The following TAS2R1 variants were observed in gnomAD, a reference collection of about 807,000 sequenced individuals.
TAS2R1 encodes taste receptor type 2 member 1.
For synonymous variants in TAS2R1, 141 were observed against 134.2 expected, an observed-to-expected ratio of 1.05 and a Z score of -0.35; for missense variants, 370 against 353.4, an observed-to-expected ratio of 1.05 and a Z score of -0.38.
chr5:9,765,012 G>A, the TAS2R1 span, among the ~76,000 whole-genome samples: 673 of 152,138 alleles, frequency 4.4e-3, 1 homozygote, highest in Non-Finnish European at 7.0e-3. Flanking sequence ...ACAAATTTAG[G>A]ATATAAAATG....
At chr5:9,746,449 AT>A in the TAS2R1 span, among the ~76,000 whole-genome samples, 1 of 152,366 alleles carries the variant, frequency 6.6e-6, no homozygotes, top group South Asian at 2.1e-4. Context: ...TCATTCTACT[AT>A]AAAGACACAT....
chr5:9,656,482 C>T (rs1740420860), intron 2 of TAS2R1, among the ~76,000 whole-genome samples: 1 of 152,204 alleles, frequency 6.6e-6, no homozygotes, highest in Admixed American at 6.5e-5. Context: ...GAGTCTGAGT[C>T]TAACTCCTAA....
intron 1 of TAS2R1, among the ~76,000 whole-genome samples, chr5:9,698,231 T>C (rs1464255364): frequency 6.6e-6 from 1 of 152,208 alleles, no homozygotes; most frequent in African/African-American, 2.4e-5. Flanking sequence ...GAATATGTAG[T>C]TCTAATGGAA....
the TAS2R1 span, among the ~76,000 whole-genome samples, chr5:9,895,563 G>C: frequency 1.3e-5 from 2 of 152,226 alleles, no homozygotes; most frequent in Admixed American, 1.3e-4. Flanking sequence ...ATGGTCAACA[G>C]AGAGGTCTTT....
the TAS2R1 span, among the ~76,000 whole-genome samples, chr5:9,722,530 G>T: frequency 6.6e-6 from 1 of 152,174 alleles, no homozygotes; most frequent in Non-Finnish European, 1.5e-5. Flanking sequence ...TGGAGCAGGG[G>T]TTGTTGTGGA....
At chr5:9,640,430 C>G (rs551082221) in intron 2 of TAS2R1, among the ~76,000 whole-genome samples, 2 of 134,552 alleles carry the variant, frequency 1.5e-5, no homozygotes, top group African/African-American at 5.7e-5. Context: ...GAAGAGAGCA[C>G]AAGCTGTTGG....
chr5:9,808,996 T>A, the TAS2R1 span, among the ~76,000 whole-genome samples: 1 of 152,192 alleles, frequency 6.6e-6, no homozygotes, highest in Non-Finnish European at 1.5e-5. Context: ...ATTTTTGTCT[T>A]GCTAAGAACT....
At chr5:9,785,015 T>C in the TAS2R1 span, among the ~76,000 whole-genome samples, 1 of 152,148 alleles carries the variant, frequency 6.6e-6, no homozygotes, top group African/African-American at 2.4e-5. Flanking sequence ...CCATGTTAAA[T>C]TAAAGGGGCT....
the TAS2R1 span, among the ~76,000 whole-genome samples, chr5:9,865,166 G>A: frequency 2.0e-5 from 3 of 152,164 alleles, no homozygotes; most frequent in Admixed American, 6.5e-5. Flanking sequence ...GAAGCCAGTG[G>A]GTGTGGCTGC....
chr5:9,661,970 T>C (rs1740546924), intron 1 of TAS2R1, among the ~76,000 whole-genome samples: 1 of 152,182 alleles, frequency 6.6e-6, no homozygotes, highest in Non-Finnish European at 1.5e-5. Flanking sequence ...GGTTCTTCTG[T>C]TGGTTTCACC....
the TAS2R1 span, among the ~76,000 whole-genome samples, chr5:9,861,033 T>C: frequency 7.0e-6 from 1 of 143,776 alleles, no homozygotes; most frequent in Non-Finnish European, 1.5e-5. Context: ...TCTGGGAAGA[T>C]GAGGTTTTTT....
chr5:9,891,991 A>G, the TAS2R1 span, among the ~76,000 whole-genome samples: 8 of 152,082 alleles, frequency 5.3e-5, no homozygotes, highest in South Asian at 1.7e-3. Flanking sequence ...CCCCTCCCTC[A>G]TAGCCCACCT....
At chr5:9,900,825 G>T in the TAS2R1 span, among the ~76,000 whole-genome samples, 1 of 151,796 alleles carries the variant, frequency 6.6e-6, no homozygotes, top group Admixed American at 6.6e-5. Flanking sequence ...GGGTTTCACC[G>T]TGTTAGGCAG....
chr5:9,777,985 A>G, the TAS2R1 span, among the ~76,000 whole-genome samples: 8 of 150,848 alleles, frequency 5.3e-5, no homozygotes, highest in South Asian at 2.1e-4. Flanking sequence ...GGTTCACGCC[A>G]TTCTCCTGCC....
the TAS2R1 span, among the ~76,000 whole-genome samples, chr5:9,734,174 A>T: frequency 2.0e-5 from 3 of 152,196 alleles, no homozygotes; most frequent in Non-Finnish European, 4.4e-5. Context: ...TCTGCAGGAG[A>T]TGCAAGAAGC....
At chr5:9,760,077 T>C in the TAS2R1 span, among the ~76,000 whole-genome samples, 4,212 of 152,300 alleles carry the variant, frequency 0.028, 58 homozygotes, top group Non-Finnish European at 0.033. Context: ...CCAGCAATAA[T>C]GTTTTACCCA....
At chr5:9,734,261 G>T in the TAS2R1 span, among the ~76,000 whole-genome samples, 2 of 152,178 alleles carry the variant, frequency 1.3e-5, no homozygotes, top group Non-Finnish European at 2.9e-5. Context: ...GTGAGAAATA[G>T]ATGTCTGTTG....
At chr5:9,845,441 G>A in the TAS2R1 span, among the ~76,000 whole-genome samples, 2 of 152,322 alleles carry the variant, frequency 1.3e-5, no homozygotes, top group South Asian at 4.1e-4. Flanking sequence ...TGTTGCAAGT[G>A]AAAGTAGTTT....
upstream of TAS2R1, among the ~76,000 whole-genome samples, chr5:9,632,003 T>C (rs1204690740): frequency 2.6e-5 from 4 of 152,122 alleles, no homozygotes; most frequent in African/African-American, 9.7e-5. Context: ...TTCCCTCCAG[T>C]AGAAAGAAGA....
Sources: gnomAD v4.1 joint callset for allele counts (sites outside exome capture counted in the v4.1 genomes callset) on GRCh38, gnomAD v4.1.1 for gene constraint, MANE v1.5 for transcripts, NCBI Gene and HGNC (gene_info 2026-07-23, HGNC 2026-07-21) for gene names.